Variants in PATJ observed in about 807,000 individuals in gnomAD.
PATJ encodes inaD-like protein.
In PATJ, 190 loss-of-function variants were observed where a neutral mutation model predicts 224.9. The observed-to-expected ratio is 0.84, with a 90% CI of 0.75 to 0.95. The LOEUF (loss-of-function observed/expected upper bound fraction) is 0.95. PATJ is among the 40% of genes least tolerant of loss of function. The probability of loss-of-function intolerance (pLI) is 0.00; values close to 1 mark genes in which losing one functional copy is unlikely to be tolerated. For missense variants in PATJ, 2,121 were observed against 2,270.3 expected, an observed-to-expected ratio of 0.93 and a Z score of 1.34; for synonymous variants, 769 against 820.3, an observed-to-expected ratio of 0.94 and a Z score of 1.07.
intron 27 of PATJ, among the ~76,000 whole-genome samples, chr1:61,960,702 A>T (rs1423639940): frequency 6.6e-6 from 1 of 152,108 alleles, no homozygotes; most frequent in Non-Finnish European, 1.5e-5. Context: ...AACGAAGTAC[A>T]ATTTTTATGG....
At chr1:62,105,760 A>C (rs1050837705) in intron 33 of PATJ, among the ~76,000 whole-genome samples, 14 of 152,106 alleles carry the variant, frequency 9.2e-5, no homozygotes, top group Admixed American at 6.5e-5. Context: ...GTAATAAAGA[A>C]TGTTTTCAGA....
chr1:61,814,130 CTT>C (rs762502160), intron 14 of PATJ, among the ~76,000 whole-genome samples: 2 of 85,908 alleles, frequency 2.3e-5, no homozygotes, highest in South Asian at 4.5e-4. Flanking sequence ...TTATTCTCTT[CTT>C]TTTTTTTTTT....
chr1:61,960,998 C>G (rs1017707488), intron 27 of PATJ, among the ~76,000 whole-genome samples: 1 of 152,114 alleles, frequency 6.6e-6, no homozygotes, highest in Non-Finnish European at 1.5e-5. Flanking sequence ...GAGACATAGA[C>G]AGGTTTATGG....
intron 25 of PATJ, among the ~76,000 whole-genome samples, chr1:61,912,695 A>AGAGGGGAGGGGAAGGTAGAGAGGAGGG: frequency 1.8e-5 from 1 of 55,832 alleles, no homozygotes; most frequent in Non-Finnish European, 3.3e-5. Context: ...AGGGGAGGGA[A>AGAGGGGAGGGGAAGGTAGAGAGGAGGG]GAGGGGAGGG....
chr1:61,815,153 C>T (rs926942227), intron 14 of PATJ, among the ~76,000 whole-genome samples: 2 of 152,208 alleles, frequency 1.3e-5, no homozygotes, highest in African/African-American at 2.4e-5. Flanking sequence ...GAAAGCCTTT[C>T]TGAGCCCAGG....
chr1:61,754,969 A>T (rs1298605), intron 1 of PATJ, among the ~76,000 whole-genome samples: 149,296 of 152,138 alleles, frequency 0.98, 73,322 homozygotes, highest in Middle Eastern at 1. Context: ...GATACTCCAG[A>T]ATGGTCTCCA....
intron 29 of PATJ, among the ~76,000 whole-genome samples, chr1:62,024,783 C>T (rs1252204188): frequency 6.6e-6 from 1 of 152,004 alleles, no homozygotes; most frequent in African/African-American, 2.4e-5. Flanking sequence ...CTTTCTCTCA[C>T]TGCCAAAGTG....
At chr1:62,096,767 C>G (rs185496401) in intron 33 of PATJ, among the ~76,000 whole-genome samples, 3 of 152,112 alleles carry the variant, frequency 2.0e-5, no homozygotes, top group Admixed American at 2.0e-4. Context: ...AGGCACCCAC[C>G]ACCACACCCA....
rs1346536788 is a variant in PATJ, at chr1:61,882,951, ATACC to A, written c.2960-1284_2960-1281del. Among the ~76,000 whole-genome samples, 187 of 152,302 alleles carry A rather than the reference ATACC, an allele frequency of 1.2e-3. 1 individual carries two copies. Among genetic ancestry groups the A allele is most frequent in the African/African-American group, 4.2e-3 (173 of 41,560 alleles). On this transcript the variant is annotated intron_variant, in intron 21 of 43. Coordinates refer to ENST00000642238, the MANE Select transcript of PATJ (RefSeq NM_001350145.3). ...ACCATGGTGTTGAATCCTATATATT[ATACC>A]TTATGCATTATCTTTTTATAGTGTG...
intron 27 of PATJ, among the ~76,000 whole-genome samples, chr1:61,928,050 A>G (rs946278874): frequency 2.0e-5 from 3 of 152,170 alleles, no homozygotes; most frequent in Non-Finnish European, 4.4e-5. Flanking sequence ...TATGCTGTAC[A>G]CTATTTTTCC....
At chr1:62,036,925 G>A (rs1188863939) in intron 29 of PATJ, among the ~76,000 whole-genome samples, 4 of 149,878 alleles carry the variant, frequency 2.7e-5, no homozygotes, top group Non-Finnish European at 5.9e-5. Context: ...AAGGGAGGAA[G>A]GGAAAGAAAA....
At chr1:61,795,322 C>G in intron 9 of PATJ, 145 bp from the exon 10 acceptor site, 2 of 479,302 alleles carry the variant, frequency 4.2e-6, no homozygotes, top group Non-Finnish European at 7.5e-6. Context: ...TTGAAATAAT[C>G]CATCAATTTC....
intron 28 of PATJ, among the ~76,000 whole-genome samples, chr1:62,015,596 A>G: frequency 6.6e-6 from 1 of 151,866 alleles, no homozygotes; most frequent in East Asian, 1.9e-4. Context: ...GCAGTGGCGC[A>G]ATCTCGGCTT....
At chr1:61,840,669 T>G (rs1660943201) in intron 17 of PATJ, among the ~76,000 whole-genome samples, 1 of 152,046 alleles carries the variant, frequency 6.6e-6, no homozygotes, top group African/African-American at 2.4e-5. Flanking sequence ...TTCATCAGCC[T>G]CCTGTACCCA....
chr1:61,911,919 A>G (rs1672711955), intron 25 of PATJ, among the ~76,000 whole-genome samples: 1 of 149,574 alleles, frequency 6.7e-6, no homozygotes, highest in African/African-American at 2.4e-5. Flanking sequence ...ATATATGTTA[A>G]TGTATCATTA....
At chr1:62,100,416 C>T in intron 33 of PATJ, 1 of 718,242 alleles carries the variant, frequency 1.4e-6, no homozygotes. Flanking sequence ...CAAGTGAGCA[C>T]ATGAGGCAGA....
rs371255647 is a variant in PATJ, at chr1:62,155,165, C to T, written c.5502+1684C>T. On this transcript the variant is annotated intron_variant, in intron 43 of 43. Coordinates refer to ENST00000642238, the MANE Select transcript of PATJ (RefSeq NM_001350145.3). Reference sequence around the variant, plus strand: ...GACAGTGGGAAGGCTGCAGAGTTAGCCCCCATGTTTTAACACGTTCTGCTG... The same window carrying T: ...GACAGTGGGAAGGCTGCAGAGTTAGTCCCCATGTTTTAACACGTTCTGCTG... 5.3e-5 allele frequency among the ~76,000 whole-genome samples: 8 copies of T among 152,276 alleles called. No homozygotes were observed. In the South Asian group the frequency reaches 1.5e-3, roughly 28 times the overall value.
intron 27 of PATJ, among the ~76,000 whole-genome samples, chr1:61,948,531 T>G (rs1276404469): frequency 6.6e-6 from 1 of 152,102 alleles, no homozygotes; most frequent in Non-Finnish European, 1.5e-5. Flanking sequence ...CTCACACCAG[T>G]TAGAATGGCA....
At chr1:61,800,256 A>G (rs1375121456) in intron 11 of PATJ, among the ~76,000 whole-genome samples, 4 of 152,150 alleles carry the variant, frequency 2.6e-5, no homozygotes, top group African/African-American at 4.8e-5. Context: ...ATCCTTGCCA[A>G]TATCAGTTGT....
Sources: gnomAD v4.1 joint callset for allele counts (sites outside exome capture counted in the v4.1 genomes callset) on GRCh38, gnomAD v4.1.1 for gene constraint, MANE v1.5 for transcripts, NCBI Gene and HGNC (gene_info 2026-07-23, HGNC 2026-07-21) for gene names.